DENND1A: variants seen among roughly 807,000 people sequenced by gnomAD.
The protein encoded by DENND1A is DENN domain containing 1A, also known as DENN domain-containing protein 1A.
Under a neutral mutation model 113.7 loss-of-function variants are expected in DENND1A, and 51 were observed. The observed-to-expected ratio is 0.45, with a 90% confidence interval of 0.36 to 0.57. The LOEUF (loss-of-function observed/expected upper bound fraction) is 0.57, where lower values mean the gene tolerates loss of function less well. DENND1A is among the 20% of genes least tolerant of loss of function. The pLI is 0.00. For synonymous variants in DENND1A, 565 were observed against 570.8 expected, an observed-to-expected ratio of 0.99 and a Z score of 0.14; for missense variants, 1,258 against 1,395.9, an observed-to-expected ratio of 0.90 and a Z score of 1.57.
At chr9:123,625,139 T>C (rs999166903) in intron 10 of DENND1A, among the ~76,000 whole-genome samples, 1 of 152,224 alleles carries the variant, frequency 6.6e-6, no homozygotes, top group Non-Finnish European at 1.5e-5. Flanking sequence ...GTCCATATAA[T>C]TCTCTTAATA....
chr9:123,904,939 G>A (rs1852472538), intron 1 of DENND1A, among the ~76,000 whole-genome samples: 1 of 152,144 alleles, frequency 6.6e-6, no homozygotes, highest in Non-Finnish European at 1.5e-5. Flanking sequence ...TGGAAAAAAT[G>A]TTAAGGGCAG....
intron 1 of DENND1A, among the ~76,000 whole-genome samples, chr9:123,880,091 C>T (rs1004066799): frequency 1.3e-5 from 2 of 152,220 alleles, no homozygotes; most frequent in Non-Finnish European, 1.5e-5. Flanking sequence ...CAGCTCACTG[C>T]AACCTCTGCT....
At chr9:123,512,719 G>T (rs113205446) in intron 13 of DENND1A, among the ~76,000 whole-genome samples, 2 of 152,358 alleles carry the variant, frequency 1.3e-5, no homozygotes, top group African/African-American at 4.8e-5. Flanking sequence ...CCGCCTTAAA[G>T]AACTGAAGGT....
chr9:123,539,513 A>C (rs2056110996), intron 13 of DENND1A, among the ~76,000 whole-genome samples: 1 of 152,176 alleles, frequency 6.6e-6, no homozygotes, highest in African/African-American at 2.4e-5. Context: ...AGATAGTGGC[A>C]TGAAATCAAG....
chr9:123,696,292 T>C (rs959782898), intron 5 of DENND1A, among the ~76,000 whole-genome samples: 1 of 152,206 alleles, frequency 6.6e-6, no homozygotes, highest in Non-Finnish European at 1.5e-5. Flanking sequence ...TAACAGACAA[T>C]GGCAGTTCCT....
chr9:123,469,162 A>G (rs904656318), intron 13 of DENND1A, among the ~76,000 whole-genome samples: 1 of 152,232 alleles, frequency 6.6e-6, no homozygotes, highest in African/African-American at 2.4e-5. Context: ...GACAGGACCA[A>G]GGCAGCTTTC....
intron 7 of DENND1A, 125 bp downstream of exon 7, chr9:123,671,165 CA>C: frequency 9.4e-7 from 1 of 1,064,294 alleles, no homozygotes; most frequent in Non-Finnish European, 1.4e-6. Flanking sequence ...TCAGAGGTCT[CA>C]GAGTATTTGG....
chr9:123,385,739 G>C (rs926407922), intron 22 of DENND1A, among the ~76,000 whole-genome samples: 17 of 152,204 alleles, frequency 1.1e-4, no homozygotes, highest in African/African-American at 3.9e-4. Flanking sequence ...ATGAAGCTCA[G>C]AGATGTTAAA....
intron 4 of DENND1A, among the ~76,000 whole-genome samples, chr9:123,769,177 T>C (rs1044551431): frequency 1.3e-5 from 2 of 152,142 alleles, no homozygotes; most frequent in African/African-American, 4.8e-5. Flanking sequence ...ATATTACTTG[T>C]TTAAGCCAAA....
intron 5 of DENND1A, among the ~76,000 whole-genome samples, chr9:123,687,068 C>T (rs1248218364): frequency 6.6e-6 from 1 of 152,118 alleles, no homozygotes; most frequent in African/African-American, 2.4e-5. Flanking sequence ...GCAGTTCTGT[C>T]TCAATTCACA....
intron 1 of DENND1A, among the ~76,000 whole-genome samples, chr9:123,923,429 A>C (rs1856616145): frequency 6.6e-6 from 1 of 152,206 alleles, no homozygotes; most frequent in African/African-American, 2.4e-5. Context: ...TGGCGGAGAA[A>C]GGGAAGAGGG....
intron 5 of DENND1A, among the ~76,000 whole-genome samples, chr9:123,754,284 C>T (rs79375299): frequency 0.022 from 3,314 of 152,290 alleles, 50 homozygotes; most frequent in Non-Finnish European, 0.033. Flanking sequence ...AGTGGATACA[C>T]CGTCAACCAG....
intron 10 of DENND1A, among the ~76,000 whole-genome samples, chr9:123,619,160 T>G (rs2060812569): frequency 6.6e-6 from 1 of 152,148 alleles, no homozygotes. Context: ...TTAGCCAAGC[T>G]GGTCTTGAAC....
At chr9:123,916,497 C>A (rs1326688624) in intron 1 of DENND1A, among the ~76,000 whole-genome samples, 1 of 151,782 alleles carries the variant, frequency 6.6e-6, no homozygotes, top group African/African-American at 2.4e-5. Flanking sequence ...CTCAGCCTCC[C>A]GAGTAGCTGG....
chr9:123,669,586 CCT>C (rs2063662054), intron 7 of DENND1A, among the ~76,000 whole-genome samples: 1 of 152,194 alleles, frequency 6.6e-6, no homozygotes, highest in Non-Finnish European at 1.5e-5. Context: ...AAGGAGTGGA[CCT>C]TCCTCCCTAG....
chr9:123,468,077 G>A (rs1354707598), intron 13 of DENND1A, among the ~76,000 whole-genome samples: 1 of 152,152 alleles, frequency 6.6e-6, no homozygotes, highest in Non-Finnish European at 1.5e-5. Context: ...CCAGCACACT[G>A]CAAGTTCCTA....
chr9:123,876,732 C>T (rs1222286230), intron 2 of DENND1A, among the ~76,000 whole-genome samples: 1 of 152,052 alleles, frequency 6.6e-6, no homozygotes, highest in Non-Finnish European at 1.5e-5. Flanking sequence ...CGAGTATATA[C>T]CCAAAGGAAA....
chr9:123,474,808 CT>C (rs1314552510), intron 13 of DENND1A, among the ~76,000 whole-genome samples: 1 of 152,128 alleles, frequency 6.6e-6, no homozygotes, highest in Non-Finnish European at 1.5e-5. Context: ...TAGCATATAC[CT>C]TCACCCTGTT....
rs1335854618 is a variant in DENND1A at position 123,613,034 on chromosome 9, G to A, written c.720-3553C>T. 2.6e-5 allele frequency among the ~76,000 whole-genome samples: 4 copies of A among 152,066 alleles called. No individual in the cohort carries two copies. In the South Asian group the frequency reaches 6.2e-4, roughly 24 times the overall value. On this transcript the variant is annotated intron_variant, in intron 10 of 23. Coordinates refer to ENST00000394215, the MANE Select transcript of DENND1A (RefSeq NM_001352964.2). ...GCTCTAGGATACCTGGTAAACTGCT[G>A]GTAAGAATGGTCAAGATGCCATGAG...
Sources: allele counts gnomAD v4.1 joint callset (sites outside exome capture counted in the v4.1 genomes callset), GRCh38; gene constraint gnomAD v4.1.1; transcripts MANE v1.5; gene names NCBI Gene and HGNC (gene_info 2026-07-23, HGNC 2026-07-21).